IGF2BP2: variants seen among roughly 807,000 people sequenced by gnomAD.
IGF2BP2 encodes insulin like growth factor 2 mRNA binding protein 2.
In IGF2BP2, 17 loss-of-function variants were observed where a neutral mutation model predicts 75.8. The observed-to-expected ratio is 0.22, with a 90% CI of 0.15 to 0.34. The LOEUF (loss-of-function observed/expected upper bound fraction) is 0.34, where lower values mean the gene tolerates loss of function less well. Among genes scored for constraint, IGF2BP2 ranks in the 10% least tolerant of loss-of-function variants. The probability of loss-of-function intolerance (pLI) is 1.00; values close to 1 mark genes in which losing one functional copy is unlikely to be tolerated. For missense variants in IGF2BP2, 516 were observed against 772.4 expected, an observed-to-expected ratio of 0.67 and a Z score of 3.93; for synonymous variants, 288 against 295.6, an observed-to-expected ratio of 0.97 and a Z score of 0.26.
chr3:185,770,236 G>A (rs1733697020), intron 2 of IGF2BP2, among the ~76,000 whole-genome samples: 1 of 152,170 alleles, frequency 6.6e-6, no homozygotes. Context: ...CTCTACCCTT[G>A]CTCTGTCATA....
At chr3:185,776,605 T>A (rs534426231) in intron 2 of IGF2BP2, among the ~76,000 whole-genome samples, 2 of 152,292 alleles carry the variant, frequency 1.3e-5, no homozygotes, top group African/African-American at 4.8e-5. Flanking sequence ...AATACAGATC[T>A]GCATTTGTGA....
At chr3:185,662,239 A>T (rs1456660515) in intron 10 of IGF2BP2, among the ~76,000 whole-genome samples, 1 of 152,088 alleles carries the variant, frequency 6.6e-6, no homozygotes, top group African/African-American at 2.4e-5. Context: ...GCACTTTGGG[A>T]GGCCGAGGTA....
In IGF2BP2 at chr3:185,823,170, T is replaced by C; in HGVS notation, c.222A>G (p.Ser74=). ...LHGKIMEVDY[S]VSKKLRSRKI... is the part of the protein sequence containing the mutation. ...ATATTTACCTTAGCTTTTTAGAGAC[T>C]GAGTAATCAACTTCCATGATTTTCC... Residue 74 remains serine, a synonymous_variant, in exon 2 of 16, where the codon TCA becomes TCG. Transcript: ENST00000382199. The C allele has an allele frequency of 1.2e-6, 2 of 1,606,934 alleles. No homozygotes were observed. The highest frequency in any genetic ancestry group is 8.5e-7 in the Non-Finnish European group (1 of 1,176,636).
At chr3:185,814,947 A>C (rs1740404997) in intron 2 of IGF2BP2, among the ~76,000 whole-genome samples, 1 of 152,200 alleles carries the variant, frequency 6.6e-6, no homozygotes. Context: ...TCTCTAAGAC[A>C]CAGATATTTT....
At chr3:185,722,140 C>G in intron 2 of IGF2BP2, 1 of 416,104 alleles carries the variant, frequency 2.4e-6, no homozygotes, top group Non-Finnish European at 4.7e-6. Flanking sequence ...CACTATGTTG[C>G]CCAGGCTGGT....
At chr3:185,659,957 G>A (rs1439091203) in intron 10 of IGF2BP2, among the ~76,000 whole-genome samples, 2 of 151,828 alleles carry the variant, frequency 1.3e-5, no homozygotes, top group African/African-American at 4.8e-5. Context: ...ACCAAGCTCA[G>A]CTAATTTTGT....
intron 2 of IGF2BP2, among the ~76,000 whole-genome samples, chr3:185,715,305 G>C (rs967155695): frequency 2.0e-4 from 31 of 152,186 alleles, no homozygotes; most frequent in African/African-American, 7.2e-4. Flanking sequence ...CAAGAGAGCA[G>C]GCTGGACAGG....
chr3:185,764,839 A>G (rs1172725239), intron 2 of IGF2BP2, among the ~76,000 whole-genome samples: 1 of 152,186 alleles, frequency 6.6e-6, no homozygotes, highest in Non-Finnish European at 1.5e-5. Flanking sequence ...TTGTCAAGTC[A>G]GTTCTCACAG....
chr3:185,824,679 G>A (rs1358524286), intron 1 of IGF2BP2, 104 bp downstream of exon 1: 5 of 863,786 alleles, frequency 5.8e-6, no homozygotes, highest in African/African-American at 1.8e-5. Context: ...GTGCGGGCGC[G>A]GGAGCCGCCG....
chr3:185,740,305 T>C (rs1729378986), intron 2 of IGF2BP2, among the ~76,000 whole-genome samples: 1 of 152,192 alleles, frequency 6.6e-6, no homozygotes, highest in African/African-American at 2.4e-5. Context: ...AAACCATTCA[T>C]TTACCATTTA....
Position 185,701,069 on chromosome 3 carries a change from T to C in IGF2BP2, c.240-2722A>G, listed in dbSNP as rs962533291. 8.5e-5 allele frequency among the ~76,000 whole-genome samples: 13 copies of C among 152,294 alleles called. No homozygotes were observed. In the East Asian group the frequency reaches 9.6e-4, roughly 11 times the overall value. ...GATTTAGTTGGTAAAAGAATACTTT[T>C]AGCTACTAACTTTTTTATATTTTTT... On this transcript the variant is annotated intron_variant, in intron 2 of 15. Coordinates refer to ENST00000382199, the MANE Select transcript of IGF2BP2 (RefSeq NM_006548.6).
intron 2 of IGF2BP2, among the ~76,000 whole-genome samples, chr3:185,750,198 G>A (rs1054358320): frequency 3.3e-5 from 5 of 152,176 alleles, no homozygotes; most frequent in African/African-American, 1.2e-4. Flanking sequence ...ATTATGTAGT[G>A]TGAACAAAGG....
intron 2 of IGF2BP2, among the ~76,000 whole-genome samples, chr3:185,816,795 C>T (rs1443328007): frequency 1.3e-5 from 2 of 152,052 alleles, no homozygotes; most frequent in Non-Finnish European, 2.9e-5. Flanking sequence ...TATTAAGATG[C>T]AGGCAAAAAA....
intron 2 of IGF2BP2, among the ~76,000 whole-genome samples, chr3:185,705,358 G>C (rs919424015): frequency 1.3e-5 from 2 of 152,172 alleles, no homozygotes; most frequent in Admixed American, 6.5e-5. Flanking sequence ...GCTTCCCAAA[G>C]TGCTGGGATT....
intron 7 of IGF2BP2, among the ~76,000 whole-genome samples, chr3:185,680,773 A>C (rs967675020): frequency 6.6e-6 from 1 of 152,158 alleles, no homozygotes; most frequent in Admixed American, 6.5e-5. Flanking sequence ...GTGAGACCCC[A>C]TTACTATAAA....
At chr3:185,800,554 T>C (rs1738073778) in intron 2 of IGF2BP2, among the ~76,000 whole-genome samples, 1 of 152,030 alleles carries the variant, frequency 6.6e-6, no homozygotes, top group African/African-American at 2.4e-5. Flanking sequence ...CTGGCCAATA[T>C]GGTGAAATCC....
At chr3:185,648,846 T>C (rs1466710133) in intron 14 of IGF2BP2, among the ~76,000 whole-genome samples, 1 of 152,142 alleles carries the variant, frequency 6.6e-6, no homozygotes, top group Non-Finnish European at 1.5e-5. Context: ...CTAGCTCCCC[T>C]AGAGCCATGT....
chr3:185,808,117 T>TAA (rs1188624871), intron 2 of IGF2BP2, among the ~76,000 whole-genome samples: 1 of 128,032 alleles, frequency 7.8e-6, no homozygotes, highest in Admixed American at 8.0e-5. Flanking sequence ...TCGTTTCTTT[T>TAA]AAAAAAAAAA....
chr3:185,653,662 G>A (rs1224821073), intron 12 of IGF2BP2, among the ~76,000 whole-genome samples: 1 of 151,966 alleles, frequency 6.6e-6, no homozygotes, highest in Non-Finnish European at 1.5e-5. Flanking sequence ...AGGATTGTAA[G>A]GATGAGCCAA....
Sources: gnomAD v4.1 joint callset for allele counts (sites outside exome capture counted in the v4.1 genomes callset) on GRCh38, gnomAD v4.1.1 for gene constraint, MANE v1.5 for transcripts, NCBI Gene and HGNC (gene_info 2026-07-23, HGNC 2026-07-21) for gene names.